Variants in RIPK1 observed in about 807,000 individuals in gnomAD.
RIPK1 encodes the protein receptor-interacting serine/threonine-protein kinase 1.
A neutral mutation model predicts 62.4 loss-of-function variants in RIPK1; 27 were observed. That is an observed-to-expected ratio of 0.43 (90% CI 0.32 to 0.60). The LOEUF (loss-of-function observed/expected upper bound fraction) is 0.60, where lower values mean the gene tolerates loss of function less well. Ranked by LOEUF, RIPK1 falls within the 20% of genes least tolerant of loss-of-function variation. The pLI is 0.07. For synonymous variants in RIPK1, 287 were observed against 303.2 expected, an observed-to-expected ratio of 0.95 and a Z score of 0.55; for missense variants, 735 against 831.0, an observed-to-expected ratio of 0.88 and a Z score of 1.42.
chr6:3,073,215 GTATA>G (rs1467402888), intron 1 of RIPK1, among the ~76,000 whole-genome samples: 4 of 137,234 alleles, frequency 2.9e-5, no homozygotes, highest in East Asian at 2.3e-4. Context: ...ACAAATATGT[GTATA>G]TATACACACA....
intron 3 of RIPK1, 63 bp downstream of exon 3, chr6:3,077,998 C>T: frequency 1.3e-6 from 2 of 1,521,880 alleles, no homozygotes; most frequent in South Asian, 1.2e-5. Context: ...TGTTATGGCT[C>T]CCCTTGGGGT....
At position 3,113,518 on chromosome 6, in the gene RIPK1, T is replaced by C; in HGVS notation, c.*179T>C. 2 of 591,914 alleles carry C rather than the reference T, an allele frequency of 3.4e-6. No homozygotes were observed. The highest frequency in any genetic ancestry group is 1.8e-5 in the African/African-American group (1 of 54,064). The allele number at this position is 591,914 out of a possible 1,614,324, so 36.7% of individuals were successfully genotyped here. Reference sequence around the variant, plus strand: ...GGGAAAGAAATCTGCAGCAAAGGGGTCTCACTCTGTTGCCAGGCTGGTCTC... The same window carrying C: ...GGGAAAGAAATCTGCAGCAAAGGGGCCTCACTCTGTTGCCAGGCTGGTCTC... On this transcript the variant is annotated 3_prime_UTR_variant, in exon 11 of 11. Coordinates refer to ENST00000259808, the MANE Select transcript of RIPK1 (RefSeq NM_001354930.2). This position sits in a 1 kb window ranked among gnomAD's most constrained non-coding sequence, Gnocchi z 5.0.
At position 3,068,528 on chromosome 6, in the gene RIPK1, G is replaced by A. The variant is rs1407912809; in HGVS notation, c.-194G>A. ...CCTCCAGCCGGGCGCGCTCGACGCG[G>A]ACGGCGGGCCAGCTGCCGGAGCGCG... On this transcript the variant is annotated 5_prime_UTR_variant, in exon 1 of 11. Transcript: ENST00000259808. 7.1e-6 allele frequency: 7 copies of A among 985,144 alleles called. No individual in the cohort carries two copies. The highest frequency in any genetic ancestry group is 3.5e-5 in the African/African-American group (2 of 57,336). The allele number at this position is 985,144 out of a possible 1,614,324, so 61.0% of individuals were successfully genotyped here.
chr6:3,083,374 AC>A, intron 5 of RIPK1, 61 bp downstream of exon 5: 1 of 1,395,430 alleles, frequency 7.2e-7, no homozygotes, highest in South Asian at 1.2e-5. Context: ...TGTGCCTGGA[AC>A]TAATAGGTGC....
At chr6:3,073,363 T>C (rs1178116502) in intron 1 of RIPK1, among the ~76,000 whole-genome samples, 1 of 152,136 alleles carries the variant, frequency 6.6e-6, no homozygotes, top group Non-Finnish European at 1.5e-5. Context: ...GTGGTCATTA[T>C]TGTTTCACTT....
rs1176328764 is a variant in RIPK1 at position 3,114,604 on chromosome 6, G to A, written c.*1265G>A. On this transcript the variant is annotated 3_prime_UTR_variant, in exon 11 of 11. Transcript: ENST00000259808. The surrounding 1 kb of genome is among the most constrained non-coding windows in gnomAD (Gnocchi z 5.0). ...CTGTCGGAACAGATTCTGGTGTCTT[G>A]GGCTGATAACAGTGTTGTTGATTCT... The A allele has an allele frequency of 6.6e-6, 1 of 152,278 alleles. No homozygotes were observed. Among genetic ancestry groups the A allele is most frequent in the Non-Finnish European group, 1.5e-5 (1 of 68,124 alleles). The allele number at this position is 152,278 out of a possible 1,614,324, so 9.4% of individuals were successfully genotyped here.
intron 10 of RIPK1, among the ~76,000 whole-genome samples, chr6:3,111,899 A>T (rs1761177876): frequency 6.6e-6 from 1 of 152,226 alleles, no homozygotes; most frequent in Admixed American, 6.5e-5. Context: ...TAAGATATGG[A>T]TAGAGAGAGA....
intron 9 of RIPK1, among the ~76,000 whole-genome samples, chr6:3,107,514 G>A (rs867383962): frequency 1.4e-4 from 20 of 142,046 alleles, no homozygotes; most frequent in Admixed American, 3.6e-4. Context: ...GCAGTAAGCC[G>A]AGATTGCACC....
Position 3,105,963 on chromosome 6 carries a change from T to C in RIPK1, c.1488T>C (p.His496=). The change falls in exon 9 of 11, where the codon CAT becomes CAC. Residue 496 remains histidine, a synonymous_variant. Coordinates refer to ENST00000259808, the MANE Select transcript of RIPK1 (RefSeq NM_001354930.2). This position sits in a 1 kb window ranked among gnomAD's most constrained non-coding sequence, Gnocchi z 4.5. ...PRVWYRPIPS[H]MPSLHNIPVP... ...TTTGGTACAGGCCAATTCCAAGTCA[T>C]ATGCCTAGTCTGCATAATATCCCAG... 6.2e-7 allele frequency: 1 copy of C among 1,614,114 alleles called. No homozygotes were observed. The highest frequency in any genetic ancestry group is 8.5e-7 in the Non-Finnish European group (1 of 1,179,980).
rs753042106 is a variant in RIPK1, at chr6:3,105,660, G to A, written c.1185G>A (p.Thr395=). The change falls in exon 9 of 11, where the codon ACG becomes ACA. Residue 395 remains threonine (T), a synonymous_variant. Coordinates refer to ENST00000259808, the MANE Select transcript of RIPK1 (RefSeq NM_001354930.2). The surrounding 1 kb of genome is among the most constrained non-coding windows in gnomAD (Gnocchi z 4.5). ...HLYGSRMDRQ[T]KQQPRQNVAY... is the part of the protein sequence containing the mutation. Reference sequence around the variant, plus strand: ...ATGGCAGCCGCATGGACAGGCAGACGAAACAGCAGCCCAGACAGAATGTGG... The same window carrying A: ...ATGGCAGCCGCATGGACAGGCAGACAAAACAGCAGCCCAGACAGAATGTGG... 13 of 1,614,030 alleles carry A rather than the reference G, an allele frequency of 8.1e-6. No individual in the cohort carries two copies. Among genetic ancestry groups the A allele is most frequent in the East Asian group, 2.2e-5 (1 of 44,878 alleles).
At chr6:3,068,890 G>T (rs956883827) in intron 1 of RIPK1, 1 of 166,904 alleles carries the variant, frequency 6.0e-6, no homozygotes, top group African/African-American at 2.4e-5. Flanking sequence ...AGGCCGGGGC[G>T]GCCGCGGGCT....
rs3736724 is a variant in RIPK1, at chr6:3,080,708, A to G, written c.322-271A>G. On this transcript the variant is annotated intron_variant, in intron 3 of 10. Transcript: ENST00000259808. ...CTAAATAATATATATTTTTGTTCTC[A>G]AGGAGCTTAATTTTATAGTATTTTA... is the stretch of plus-strand genomic sequence containing the variant. Among the ~76,000 whole-genome samples, 243 of 152,298 alleles carry G rather than the reference A, an allele frequency of 1.6e-3. 3 individuals carry two copies. In the East Asian group the frequency reaches 0.042, roughly 26 times the overall value.
chr6:3,113,020 G>C lies in RIPK1; in HGVS notation c.1730-33G>C. 1 of 1,509,940 alleles carries C rather than the reference G, an allele frequency of 6.6e-7. No homozygotes were observed. Among genetic ancestry groups the C allele is most frequent in the Non-Finnish European group, 8.9e-7 (1 of 1,128,260 alleles). The allele number at this position is 1,509,940 out of a possible 1,614,324, so 93.5% of individuals were successfully genotyped here. A position where few individuals can be genotyped will look rare whatever the true frequency, so the allele number is the denominator to read the frequency against. ...AGCTGGAATGTTTGAATGGGTTTTA[G>C]CTTGATACCTTCTTCTTTTTCCCAT... On this transcript the variant is annotated intron_variant, in intron 10 of 10. Coordinates refer to ENST00000259808, the MANE Select transcript of RIPK1 (RefSeq NM_001354930.2). This position sits in a 1 kb window ranked among gnomAD's most constrained non-coding sequence, Gnocchi z 5.0.
intron 8 of RIPK1, 58 bp downstream of exon 8, chr6:3,104,373 C>T: frequency 1.1e-6 from 1 of 933,908 alleles, no homozygotes; most frequent in Non-Finnish European, 1.8e-6. Context: ...TCATTCACTC[C>T]ACTCTCTAAA....
intron 10 of RIPK1, 107 bp downstream of exon 10, chr6:3,111,062 TTTC>T: frequency 1.4e-6 from 1 of 730,704 alleles, no homozygotes; most frequent in Non-Finnish European, 2.1e-6. Flanking sequence ...TCTTGAAAGT[TTTC>T]TTATGTTACT....
At position 3,114,856 on chromosome 6, in the gene RIPK1, A is replaced by C. The variant is rs1761333629; in HGVS notation, c.*1517A>C. On this transcript the variant is annotated 3_prime_UTR_variant, in exon 11 of 11. Transcript: ENST00000259808. This position sits in a 1 kb window ranked among gnomAD's most constrained non-coding sequence, Gnocchi z 5.0. The stretch of plus-strand genomic sequence containing the variant: ...CGCCCCAGTTGTGACAATAGTCTCT[A>C]AACATTGTCAAATGGTCCAAGGAAA... The C allele has an allele frequency of 6.7e-6, 1 of 150,002 alleles. No homozygotes were observed. Among genetic ancestry groups the C allele is most frequent in the African/African-American group, 2.5e-5 (1 of 40,444 alleles). 9.3% of individuals were successfully genotyped at this position (150,002 alleles called of 1,614,324 possible).
At chr6:3,103,367 G>A (rs753348010) in intron 7 of RIPK1, among the ~76,000 whole-genome samples, 8 of 151,208 alleles carry the variant, frequency 5.3e-5, no homozygotes, top group South Asian at 2.1e-4. Flanking sequence ...GTGGCAGAAT[G>A]TTGGTTCACT....
At chr6:3,068,222 G>T, upstream of RIPK1, 2 of 985,432 alleles carry the variant, frequency 2.0e-6, no homozygotes, top group Non-Finnish European at 2.4e-6. Context: ...ATGCTAACCC[G>T]CAGAGCTCTG....
Position 3,087,530 on chromosome 6 carries a change from C to T in RIPK1, c.839-2051C>T, listed in dbSNP as rs113844405. On this transcript the variant is annotated intron_variant, in intron 6 of 10. Coordinates refer to ENST00000259808, the MANE Select transcript of RIPK1 (RefSeq NM_001354930.2). ...GTTCACTGATTTTTCTGTTTCTCCT[C>T]GATTCCACAGTTGAACCTGTCTACT... 6.0e-3 allele frequency among the ~76,000 whole-genome samples: 891 copies of T among 149,246 alleles called. 12 individuals carry two copies. Among genetic ancestry groups the T allele is most frequent in the African/African-American group, 0.02 (821 of 40,790 alleles).
Sources: gnomAD v4.1 joint callset for allele counts (sites outside exome capture counted in the v4.1 genomes callset) on GRCh38, gnomAD v4.1.1 for gene constraint, Gnocchi (gnomAD v3.1) non-coding constraint, MANE v1.5 for transcripts, NCBI Gene and HGNC (gene_info 2026-07-23, HGNC 2026-07-21) for gene names.